The following RCAN2 variants were observed in gnomAD, a reference collection of about 807,000 sequenced individuals.
RCAN2 encodes calcipressin-2.
In RCAN2, 9 loss-of-function variants were observed where a neutral mutation model predicts 23.6. That is an observed-to-expected ratio of 0.38 (90% CI 0.23 to 0.67). The LOEUF is 0.67. RCAN2 is among the 30% of genes least tolerant of loss of function. The pLI, the probability that RCAN2 is intolerant of heterozygous loss-of-function variation, is 0.51. For missense variants in RCAN2, 273 were observed against 302.3 expected, an observed-to-expected ratio of 0.90 and a Z score of 0.72; for synonymous variants, 109 against 115.7, an observed-to-expected ratio of 0.94 and a Z score of 0.37.
chr6:46,362,992 C>A (rs1427087855), intron 2 of RCAN2, among the ~76,000 whole-genome samples: 2 of 152,048 alleles, frequency 1.3e-5, no homozygotes, highest in African/African-American at 4.8e-5. Context: ...GACTTTTTAA[C>A]AGGAAGTTGG....
intron 2 of RCAN2, among the ~76,000 whole-genome samples, chr6:46,396,542 C>A (rs79414122): frequency 2.2e-4 from 33 of 152,268 alleles, no homozygotes; most frequent in African/African-American, 7.5e-4. Flanking sequence ...GTGCTTGATA[C>A]CTGCTCCTTT....
intron 2 of RCAN2, among the ~76,000 whole-genome samples, chr6:46,414,456 G>C (rs1290216094): frequency 6.6e-6 from 1 of 152,218 alleles, no homozygotes; most frequent in Admixed American, 6.5e-5. Flanking sequence ...TGATGGTTAA[G>C]CTTATGTGTC....
chr6:46,388,835 T>C (rs1287548302), intron 2 of RCAN2, among the ~76,000 whole-genome samples: 1 of 151,974 alleles, frequency 6.6e-6, no homozygotes, highest in Non-Finnish European at 1.5e-5. Flanking sequence ...TCAGGACAAA[T>C]AGCTAATGCA....
intron 2 of RCAN2, among the ~76,000 whole-genome samples, chr6:46,285,697 T>C (rs931714394): frequency 1.3e-5 from 2 of 152,232 alleles, no homozygotes; most frequent in Admixed American, 1.3e-4. Flanking sequence ...TTCTACCAGA[T>C]CTTTGCTATT....
intron 1 of RCAN2, among the ~76,000 whole-genome samples, chr6:46,467,981 A>C (rs564244189): frequency 5.1e-4 from 78 of 152,248 alleles, no homozygotes; most frequent in African/African-American, 1.7e-3. Flanking sequence ...TTTCTACAAC[A>C]ATTTTACTTT....
rs555126827 is a variant in RCAN2, at chr6:46,349,934, T to C, written c.226-101038A>G. Among the ~76,000 whole-genome samples the C allele has an allele frequency of 5.9e-5, 9 of 152,274 alleles. No individual in the cohort carries two copies. In the East Asian group the frequency reaches 1.7e-3, roughly 29 times the overall value. On this transcript the variant is annotated intron_variant, in intron 2 of 4. Coordinates refer to ENST00000371374, the MANE Select transcript of RCAN2 (RefSeq NM_001251974.2). ...CCGTGGCTTCCTATTACACTGACAA[T>C]AAGATTCAAAATGTTCACTCTGGTC...
intron 2 of RCAN2, among the ~76,000 whole-genome samples, chr6:46,307,803 C>T (rs532386247): frequency 1.3e-5 from 2 of 152,090 alleles, no homozygotes; most frequent in African/African-American, 4.8e-5. Flanking sequence ...GTTTGAATTA[C>T]CACCTCTTTT....
intron 2 of RCAN2, among the ~76,000 whole-genome samples, chr6:46,281,476 A>T (rs1437507700): frequency 6.6e-6 from 1 of 152,214 alleles, no homozygotes; most frequent in African/African-American, 2.4e-5. Flanking sequence ...AAACAATAAG[A>T]AGCTACTTGT....
intron 1 of RCAN2, among the ~76,000 whole-genome samples, chr6:46,477,956 A>T (rs960952554): frequency 1.3e-5 from 2 of 152,248 alleles, no homozygotes; most frequent in African/African-American, 4.8e-5. Context: ...TACCTCTCTC[A>T]CTGAAGATGA....
chr6:46,359,945 A>T (rs951971936), intron 2 of RCAN2, among the ~76,000 whole-genome samples: 2 of 152,214 alleles, frequency 1.3e-5, no homozygotes, highest in Non-Finnish European at 2.9e-5. Context: ...GTCTAACTTC[A>T]AAGCCCAGGT....
chr6:46,452,153 G>A (rs577125952), intron 2 of RCAN2, among the ~76,000 whole-genome samples: 1 of 152,060 alleles, frequency 6.6e-6, no homozygotes, highest in South Asian at 2.1e-4. Context: ...TGTATATCAG[G>A]AGGCAGTAGT....
intron 4 of RCAN2, among the ~76,000 whole-genome samples, chr6:46,233,391 A>G (rs923601147): frequency 6.6e-5 from 10 of 152,178 alleles, no homozygotes; most frequent in Admixed American, 5.2e-4. Flanking sequence ...AAGTTCTTAC[A>G]TTTGCAGGGG....
Position 46,223,109 on chromosome 6 carries a change from G to A in RCAN2, c.*32C>T, listed in dbSNP as rs1330498068. On this transcript the variant is annotated 3_prime_UTR_variant, in exon 5 of 5. Coordinates refer to ENST00000371374, the MANE Select transcript of RCAN2 (RefSeq NM_001251974.2). ...CAGGGGGAAAAAGCATGATAAAGAG[G>A]AGACGGCTATTATCGAGAAGGAGCA... is the stretch of plus-strand genomic sequence containing the variant. 4.3e-6 allele frequency: 7 copies of A among 1,609,636 alleles called. No individual in the cohort carries two copies. The highest frequency in any genetic ancestry group is 5.9e-6 in the Non-Finnish European group (7 of 1,178,530).
chr6:46,230,381 C>G (rs1235077381), intron 4 of RCAN2, among the ~76,000 whole-genome samples: 1 of 152,200 alleles, frequency 6.6e-6, no homozygotes, highest in Admixed American at 6.5e-5. Flanking sequence ...GAGGTGGAGT[C>G]TACAGAGGCA....
rs117926500 is a variant in RCAN2, at chr6:46,339,512, G to T, written c.226-90616C>A. Among the ~76,000 whole-genome samples, 562 of 152,158 alleles carry T rather than the reference G, an allele frequency of 3.7e-3. 20 individuals carry two copies. The East Asian group carries it at 0.081, about 22-fold the overall frequency. ...ATGAGTAGCCCAATATTGTTGGGCT[G>T]CCCAAAGTGGAGTTAGGGATCAGGG... is the stretch of plus-strand genomic sequence containing the variant. On this transcript the variant is annotated intron_variant, in intron 2 of 4. Coordinates refer to ENST00000371374, the MANE Select transcript of RCAN2 (RefSeq NM_001251974.2).
At chr6:46,454,139 T>C (rs917748279) in intron 2 of RCAN2, among the ~76,000 whole-genome samples, 1 of 152,202 alleles carries the variant, frequency 6.6e-6, no homozygotes, top group African/African-American at 2.4e-5. Flanking sequence ...GTGCCTAAAA[T>C]GTCCACCCTT....
intron 2 of RCAN2, among the ~76,000 whole-genome samples, chr6:46,312,426 A>G (rs1246776718): frequency 1.3e-5 from 2 of 152,208 alleles, no homozygotes; most frequent in Admixed American, 1.3e-4. Flanking sequence ...CAGAACAGTT[A>G]GATAAGGGAT....
At chr6:46,280,152 C>T (rs1260885684) in intron 2 of RCAN2, among the ~76,000 whole-genome samples, 1 of 152,270 alleles carries the variant, frequency 6.6e-6, no homozygotes, top group East Asian at 1.9e-4. Flanking sequence ...AAAGATGAAA[C>T]TCTTGACCAA....
chr6:46,394,215 C>A (rs528434848), intron 2 of RCAN2, among the ~76,000 whole-genome samples: 7 of 152,110 alleles, frequency 4.6e-5, no homozygotes, highest in African/African-American at 1.7e-4. Context: ...GATTTAAGTC[C>A]GTGACAGGTG....
Sources: allele counts gnomAD v4.1 joint callset (sites outside exome capture counted in the v4.1 genomes callset), GRCh38; gene constraint gnomAD v4.1.1; transcripts MANE v1.5; gene names NCBI Gene and HGNC (gene_info 2026-07-23, HGNC 2026-07-21).